The following PPP2R2D variants were observed in gnomAD, a reference collection of about 807,000 sequenced individuals.
The protein encoded by PPP2R2D is serine/threonine-protein phosphatase 2A 55 kDa regulatory subunit B delta isoform.
In PPP2R2D, 9 loss-of-function variants were observed where a neutral mutation model predicts 31.1. The ratio of observed to expected loss-of-function variants is 0.29; its 90% CI spans 0.17 to 0.51. The LOEUF (loss-of-function observed/expected upper bound fraction) is 0.51, where lower values mean the gene tolerates loss of function less well. Among genes scored for constraint, PPP2R2D ranks in the 20% least tolerant of loss-of-function variants. The pLI is 0.98. For synonymous variants in PPP2R2D, 179 were observed against 172.6 expected (o/e 1.04, Z -0.29); for missense variants, 391 against 465.6 (o/e 0.84, Z 1.48).
Position 131,959,133 on chromosome 10 carries a change from C to T in PPP2R2D, c.*3170C>T. 7.8e-6 allele frequency: 1 copy of T among 127,586 alleles called. No individual in the cohort carries two copies. The highest frequency in any genetic ancestry group is 1.5e-5 in the Non-Finnish European group (1 of 65,648). The allele number at this position is 127,586 out of a possible 1,614,324, so 7.9% of individuals were successfully genotyped here. A position where few individuals can be genotyped will look rare whatever the true frequency, so the allele number is the denominator to read the frequency against. ...ATGAAGGTGTGTGCTGATCCCCCAT[C>T]CCCCTGTGGAGATGAAGGTGTGTGC... On this transcript the variant is annotated 3_prime_UTR_variant, in exon 9 of 9. Transcript: ENST00000455566.
chr10:131,921,668 CACTG>C (rs1157540154), intron 2 of PPP2R2D, among the ~76,000 whole-genome samples: 26 of 152,292 alleles, frequency 1.7e-4, no homozygotes, highest in African/African-American at 6.3e-4. Context: ...AAATAGAACT[CACTG>C]GCTGCAGTGT....
intron 2 of PPP2R2D, among the ~76,000 whole-genome samples, chr10:131,922,562 C>T (rs2036011217): frequency 6.6e-6 from 1 of 151,636 alleles, no homozygotes; most frequent in African/African-American, 2.4e-5. Flanking sequence ...ACACGATTCT[C>T]CTGCCTCAGT....
intron 2 of PPP2R2D, among the ~76,000 whole-genome samples, chr10:131,916,310 C>T (rs1475844815): frequency 6.7e-6 from 1 of 150,314 alleles, no homozygotes; most frequent in Non-Finnish European, 1.5e-5. Context: ...AATGTGACAC[C>T]CAGGTTGGCA....
chr10:131,961,347 A>AC (rs2120115572), downstream of PPP2R2D, among the ~76,000 whole-genome samples: 1 of 152,110 alleles, frequency 6.6e-6, no homozygotes, highest in East Asian at 1.9e-4. Flanking sequence ...TAAAGGCAGC[A>AC]CCCCCAGCCC....
intron 3 of PPP2R2D, among the ~76,000 whole-genome samples, chr10:131,936,099 A>G (rs1160155422): frequency 1.3e-5 from 2 of 152,136 alleles, no homozygotes; most frequent in African/African-American, 4.8e-5. Context: ...ACCTTTCTCA[A>G]CAGAAGTAAA....
At chr10:131,921,786 T>G (rs1264225317) in intron 2 of PPP2R2D, among the ~76,000 whole-genome samples, 3 of 152,142 alleles carry the variant, frequency 2.0e-5, no homozygotes, top group African/African-American at 7.2e-5. Context: ...TGGCCTGTCG[T>G]TGGTGGTTAT....
intron 8 of PPP2R2D, among the ~76,000 whole-genome samples, chr10:131,950,236 C>T (rs534790322): frequency 6.6e-6 from 1 of 152,280 alleles, no homozygotes; most frequent in East Asian, 1.9e-4. Context: ...TGAGGCACAG[C>T]ACACGTTTAA....
At chr10:131,961,817 T>A (rs1197434281), downstream of PPP2R2D, among the ~76,000 whole-genome samples, 2 of 149,576 alleles carry the variant, frequency 1.3e-5, no homozygotes, top group African/African-American at 4.9e-5. Flanking sequence ...AACCCACACT[T>A]GATGTCCTCC....
intron 3 of PPP2R2D, chr10:131,939,774 C>T (rs1177044344): frequency 1.1e-5 from 3 of 263,056 alleles, no homozygotes; most frequent in Non-Finnish European, 2.1e-5. Context: ...ATTTGACAGA[C>T]CTGCTCCAGA....
intron 2 of PPP2R2D, among the ~76,000 whole-genome samples, chr10:131,909,221 G>A (rs1478689588): frequency 6.6e-6 from 1 of 152,196 alleles, no homozygotes; most frequent in Non-Finnish European, 1.5e-5. Flanking sequence ...AAAAGGGAGT[G>A]GCTGTGATGA....
chr10:131,934,378 C>T, intron 2 of PPP2R2D, 80 bp from the exon 3 acceptor site: 1 of 703,870 alleles, frequency 1.4e-6, no homozygotes, highest in Admixed American at 2.3e-5. Flanking sequence ...CGTCCTTTTG[C>T]TCTTTTTTAT....
intron 2 of PPP2R2D, among the ~76,000 whole-genome samples, chr10:131,918,069 AG>A (rs2035855487): frequency 6.8e-6 from 1 of 146,064 alleles, no homozygotes; most frequent in Non-Finnish European, 1.5e-5. Context: ...TAGGGACCTC[AG>A]GCGGGTGGAG....
Position 131,954,598 on chromosome 10 carries a change from C to A in PPP2R2D, c.1083-1086C>A, listed in dbSNP as rs371189566. ...CAGGAGATGGGAAATAAACATGGATCGCTGAATGCAGTTTCTCTTCTCTGA... is the reference window on the plus strand; with the variant it reads ...CAGGAGATGGGAAATAAACATGGATAGCTGAATGCAGTTTCTCTTCTCTGA... On this transcript the variant is annotated intron_variant, in intron 8 of 8. Transcript: ENST00000455566. Among the ~76,000 whole-genome samples, 23 of 151,400 alleles carry A rather than the reference C, an allele frequency of 1.5e-4. 1 individual carries two copies. Among genetic ancestry groups the A allele is most frequent in the African/African-American group, 5.6e-4 (23 of 41,336 alleles).
chr10:131,921,994 A>T (rs1311441451), intron 2 of PPP2R2D, among the ~76,000 whole-genome samples: 2 of 152,184 alleles, frequency 1.3e-5, no homozygotes, highest in African/African-American at 4.8e-5. Flanking sequence ...ATTTTTCAGC[A>T]TGGCATGAGG....
At chr10:131,917,287 T>G (rs2035822228) in intron 2 of PPP2R2D, among the ~76,000 whole-genome samples, 1 of 118,040 alleles carries the variant, frequency 8.5e-6, no homozygotes, top group Non-Finnish European at 1.7e-5. Flanking sequence ...ACACAGTGTT[T>G]GTAGGGACCT....
intron 2 of PPP2R2D, among the ~76,000 whole-genome samples, chr10:131,931,215 G>T (rs1473822160): frequency 2.0e-5 from 3 of 152,230 alleles, no homozygotes; most frequent in African/African-American, 7.2e-5. Context: ...GCGTGGTTAG[G>T]ATAGCACCTG....
Position 131,945,333 on chromosome 10 carries a change from A to G in PPP2R2D, c.694A>G (p.Thr232Ala). The change falls in exon 7 of 9, where the codon ACC (threonine) becomes GCC (alanine). Residue 232 changes from threonine to alanine, a missense_variant. Around this residue, in one of 3 missense-constraint regions of PPP2R2D, gnomAD observed 123 missense variants for 187.7 expected, o/e 0.66. Transcript: ENST00000455566. This position sits in a 1 kb window ranked among gnomAD's most constrained non-coding sequence, Gnocchi z 4.8. Reference sequence around the variant, plus strand: ...CAAGCCTGCTAACATGGAGGAGCTGACCGAAGTCATCACTGCAGCCGAGTT... The same window carrying G: ...CAAGCCTGCTAACATGGAGGAGCTGGCCGAAGTCATCACTGCAGCCGAGTT... ...DIKPANMEEL[T>A]EVITAAEFHP... The G allele has an allele frequency of 6.2e-7, 1 of 1,614,158 alleles. No homozygotes were observed. The highest frequency in any genetic ancestry group is 2.2e-5 in the East Asian group (1 of 44,874).
chr10:131,937,348 C>T (rs1288317118), intron 3 of PPP2R2D, among the ~76,000 whole-genome samples: 14 of 152,236 alleles, frequency 9.2e-5, no homozygotes, highest in African/African-American at 3.4e-4. Context: ...GTGCGGCCCA[C>T]TGCCCTCCAG....
chr10:131,946,947 G>A (rs962935741), intron 7 of PPP2R2D, among the ~76,000 whole-genome samples: 2 of 152,044 alleles, frequency 1.3e-5, no homozygotes, highest in Non-Finnish European at 2.9e-5. Flanking sequence ...CGGCGGGACC[G>A]TCTTGGTGGT....
Sources: allele counts gnomAD v4.1 joint callset (sites outside exome capture counted in the v4.1 genomes callset), GRCh38; gene constraint gnomAD v4.1.1; regional missense constraint gnomAD v4.1.1; non-coding constraint Gnocchi (gnomAD v3.1); transcripts MANE v1.5; gene names NCBI Gene and HGNC (gene_info 2026-07-23, HGNC 2026-07-21).